Variants in DAB1 observed in about 807,000 individuals in gnomAD.
The protein encoded by DAB1 is disabled homolog 1.
Under a neutral mutation model 64.6 loss-of-function variants are expected in DAB1, and 15 were observed. The observed-to-expected ratio is 0.23, with a 90% confidence interval of 0.16 to 0.36. The LOEUF is 0.36. Ranked by LOEUF, DAB1 falls within the 10% of genes least tolerant of loss-of-function variation. The pLI, the probability that DAB1 is intolerant of heterozygous loss-of-function variation, is 1.00. For missense variants in DAB1, 596 were observed against 706.7 expected (o/e 0.84, Z 1.78); for synonymous variants, 235 against 251.9 (o/e 0.93, Z 0.64).
intron 6 of DAB1, among the ~76,000 whole-genome samples, chr1:57,777,090 C>CT (rs796627429): frequency 0.028 from 3,072 of 111,586 alleles, 38 homozygotes; most frequent in Non-Finnish European, 0.033. Context: ...AGGTTGACAG[C>CT]TTTTTTTTTT....
chr1:57,373,122 C>T (rs1237328769), intron 1 of DAB1, among the ~76,000 whole-genome samples: 3 of 152,176 alleles, frequency 2.0e-5, no homozygotes, highest in Admixed American at 2.0e-4. Context: ...GAGTTCGAGG[C>T]TGCAGCGAGC....
chr1:57,262,022 G>A (rs1331490639), intron 2 of DAB1, among the ~76,000 whole-genome samples: 1 of 152,144 alleles, frequency 6.6e-6, no homozygotes, highest in Non-Finnish European at 1.5e-5. Context: ...GGAGGAGGGA[G>A]GAGAGAAGAA....
At chr1:58,316,334 G>C (rs185165992) in intron 4 of DAB1, among the ~76,000 whole-genome samples, 125 of 152,352 alleles carry the variant, frequency 8.2e-4, no homozygotes, top group Non-Finnish European at 5.4e-4. Flanking sequence ...GCACACAACA[G>C]GTGGTATGCA....
chr1:57,461,110 G>A (rs1487635806), intron 7 of DAB1, among the ~76,000 whole-genome samples: 3 of 152,154 alleles, frequency 2.0e-5, no homozygotes, highest in African/African-American at 7.2e-5. Context: ...TACAAGTGCT[G>A]CTAACTAAGG....
At position 57,220,261 on chromosome 1, in the gene DAB1, T is replaced by C. The variant is rs550242526; in HGVS notation, c.67+70703A>G. Reference sequence around the variant, plus strand: ...ATCTGTCTGGAAAGCCAGGAGGATCTTTCCAAGGACACTAGTGGAACATAC... The same window carrying C: ...ATCTGTCTGGAAAGCCAGGAGGATCCTTCCAAGGACACTAGTGGAACATAC... On this transcript the variant is annotated intron_variant, in intron 2 of 14. Coordinates refer to ENST00000371236, the MANE Select transcript of DAB1 (RefSeq NM_001365792.1). Among the ~76,000 whole-genome samples, 20 of 152,296 alleles carry C rather than the reference T, an allele frequency of 1.3e-4. No homozygotes were observed. In the South Asian group the frequency reaches 3.5e-3, roughly 27 times the overall value.
chr1:57,163,752 AG>A (rs990883480), intron 2 of DAB1, among the ~76,000 whole-genome samples: 5 of 152,106 alleles, frequency 3.3e-5, no homozygotes, highest in Non-Finnish European at 5.9e-5. Flanking sequence ...AAGAGCAGAA[AG>A]GGATTATTTT....
chr1:57,704,223 TA>T (rs1188713299), intron 6 of DAB1, among the ~76,000 whole-genome samples: 1 of 152,182 alleles, frequency 6.6e-6, no homozygotes, highest in Admixed American at 6.6e-5. Context: ...TCCTGGCTTC[TA>T]AAAAATTGGA....
intron 5 of DAB1, among the ~76,000 whole-genome samples, chr1:57,908,680 G>A (rs1331974443): frequency 3.9e-5 from 6 of 152,110 alleles, no homozygotes; most frequent in Non-Finnish European, 8.8e-5. Context: ...AGATTGGAAG[G>A]GGTGGAGGGA....
chr1:56,999,697 T>G (rs901745301), intron 14 of DAB1, among the ~76,000 whole-genome samples: 2 of 152,206 alleles, frequency 1.3e-5, no homozygotes, highest in Non-Finnish European at 2.9e-5. Context: ...TCTGAAGTCC[T>G]GTGAAGACAG....
chr1:58,406,618 G>C (rs1433112203), intron 3 of DAB1, among the ~76,000 whole-genome samples: 1 of 152,140 alleles, frequency 6.6e-6, no homozygotes, highest in Non-Finnish European at 1.5e-5. Context: ...GGCTCTTCAG[G>C]AGACGTAGCC....
rs1647068632 is a variant in DAB1, at chr1:57,034,401, C to A, written c.724-8358G>T. Among the ~76,000 whole-genome samples, 3 of 152,224 alleles carry A rather than the reference C, an allele frequency of 2.0e-5. No individual in the cohort carries two copies. In the South Asian group the frequency reaches 6.2e-4, roughly 32 times the overall value. ...GTTTCTCTATCTTTTGAATTGAAAT[C>A]CTCCTGAGTGTCCTCAGTACATTAT... is the stretch of plus-strand genomic sequence containing the variant. On this transcript the variant is annotated intron_variant, in intron 9 of 14. Transcript: ENST00000371236.
rs568394372 is a variant in DAB1 at position 58,277,102 on chromosome 1, T to C, written n.309+66250A>G. 2.3e-3 allele frequency among the ~76,000 whole-genome samples: 341 copies of C among 147,202 alleles called. 1 individual carries two copies. Among genetic ancestry groups the C allele is most frequent in the African/African-American group, 8.0e-3 (317 of 39,674 alleles). Reference sequence around the variant, plus strand: ...TCACCCAGGCTGGAGTGCAGTGGTATGATCTCGGCTCCCTGCAAGCTCCGC... The same window carrying C: ...TCACCCAGGCTGGAGTGCAGTGGTACGATCTCGGCTCCCTGCAAGCTCCGC... On this transcript the variant is annotated intron_variant and non_coding_transcript_variant, in intron 4 of 20. Coordinates refer to the DAB1 transcript ENST00000485760.
At chr1:57,909,808 A>T (rs1362147806) in intron 5 of DAB1, among the ~76,000 whole-genome samples, 1 of 152,232 alleles carries the variant, frequency 6.6e-6, no homozygotes, top group Non-Finnish European at 1.5e-5. Flanking sequence ...TTCACAAGAC[A>T]TTCTGAGCAT....
At chr1:57,029,735 A>C (rs1166949895) in intron 9 of DAB1, among the ~76,000 whole-genome samples, 1 of 152,168 alleles carries the variant, frequency 6.6e-6, no homozygotes, top group African/African-American at 2.4e-5. Flanking sequence ...TCAGACTTGC[A>C]TGGGCCCTGT....
In DAB1 at chr1:57,380,552, A is replaced by G. The variant is rs551630003; in HGVS notation, c.-137+43378T>C. On this transcript the variant is annotated intron_variant, in intron 1 of 14. Transcript: ENST00000371236. ...CCTGGAACATAGTGACAATGATGGT[A>G]ATGATGGTGATGATAATGATAATGA... Among the ~76,000 whole-genome samples the G allele has an allele frequency of 5.3e-4, 80 of 152,308 alleles. 1 individual carries two copies. Among genetic ancestry groups the G allele is most frequent in the South Asian group, 5.2e-3 (25 of 4,828 alleles).
At chr1:57,280,731 A>T (rs1300312444) in intron 2 of DAB1, among the ~76,000 whole-genome samples, 2 of 152,208 alleles carry the variant, frequency 1.3e-5, no homozygotes, top group Non-Finnish European at 2.9e-5. Flanking sequence ...CACACATCAC[A>T]AAAGGAGAAG....
chr1:57,856,458 T>C (rs1288201260), intron 1 of DAB1, among the ~76,000 whole-genome samples: 2 of 152,130 alleles, frequency 1.3e-5, no homozygotes, highest in African/African-American at 4.8e-5. Flanking sequence ...TATGAAAAGT[T>C]CACATATAAA....
At chr1:57,603,512 A>G (rs1188334584) in intron 7 of DAB1, among the ~76,000 whole-genome samples, 1 of 152,190 alleles carries the variant, frequency 6.6e-6, no homozygotes, top group Non-Finnish European at 1.5e-5. Flanking sequence ...CCTGTTTGAT[A>G]AATCAATTGA....
chr1:58,167,617 C>G (rs1655931390), intron 4 of DAB1, among the ~76,000 whole-genome samples: 1 of 152,242 alleles, frequency 6.6e-6, no homozygotes. Context: ...TGTTCTTTCA[C>G]TCTTCACAAC....
Sources: allele counts gnomAD v4.1 joint callset (sites outside exome capture counted in the v4.1 genomes callset), GRCh38; gene constraint gnomAD v4.1.1; transcripts MANE v1.5; gene names NCBI Gene and HGNC (gene_info 2026-07-23, HGNC 2026-07-21).